The following XYLT1 variants were observed in gnomAD, a reference collection of about 807,000 sequenced individuals.
The protein encoded by XYLT1 is xylosyltransferase 1, also known as beta-D-xylosyltransferase 1.
A neutral mutation model predicts 91.3 loss-of-function variants in XYLT1; 36 were observed. The ratio of observed to expected loss-of-function variants is 0.39; its 90% CI spans 0.30 to 0.52. The LOEUF (loss-of-function observed/expected upper bound fraction) is 0.52, where lower values mean the gene tolerates loss of function less well. Among genes scored for constraint, XYLT1 ranks in the 20% least tolerant of loss-of-function variants. The probability of loss-of-function intolerance (pLI) is 0.68; values close to 1 mark genes in which losing one functional copy is unlikely to be tolerated. For synonymous variants in XYLT1, 588 were observed against 532.0 expected (o/e 1.11, Z -1.45); for missense variants, 1,242 against 1,284.5 (o/e 0.97, Z 0.51).
chr16:17,453,751 A>G (rs932168749), intron 1 of XYLT1, among the ~76,000 whole-genome samples: 2 of 152,354 alleles, frequency 1.3e-5, no homozygotes, highest in East Asian at 3.9e-4. Context: ...CCAGAAAGCC[A>G]GAGATAAACA....
In XYLT1 at chr16:17,232,016, T is replaced by C. The variant is rs144680726; in HGVS notation, c.913+26972A>G. 4.6e-3 allele frequency among the ~76,000 whole-genome samples: 691 copies of C among 150,244 alleles called. 7 individuals are homozygous for C. Among genetic ancestry groups the C allele is most frequent in the African/African-American group, 0.016 (654 of 41,052 alleles). ...CATAGGAATTTTTCAGCCCCTATAA[T>C]AGGGCTGAATAGTCAACGATGGACT... On this transcript the variant is annotated intron_variant, in intron 3 of 11. Coordinates refer to ENST00000261381, the MANE Select transcript of XYLT1 (RefSeq NM_022166.4).
chr16:17,326,681 C>T (rs1433855967), intron 2 of XYLT1, among the ~76,000 whole-genome samples: 1 of 151,930 alleles, frequency 6.6e-6, no homozygotes, highest in Non-Finnish European at 1.5e-5. Context: ...AAAAATTAGC[C>T]GGGCGTGGTG....
At chr16:17,246,161 T>C (rs1424576643) in intron 3 of XYLT1, among the ~76,000 whole-genome samples, 1 of 152,226 alleles carries the variant, frequency 6.6e-6, no homozygotes, top group Non-Finnish European at 1.5e-5. Context: ...AAATGTGTAA[T>C]TCTGGGTAAG....
intron 1 of XYLT1, among the ~76,000 whole-genome samples, chr16:17,434,655 G>A (rs543991175): frequency 2.5e-4 from 38 of 152,208 alleles, no homozygotes; most frequent in African/African-American, 8.7e-4. Flanking sequence ...CCAGGAGTTC[G>A]AGACCAGCCT....
intron 11 of XYLT1, among the ~76,000 whole-genome samples, chr16:17,110,222 T>C (rs1037119808): frequency 6.6e-6 from 1 of 152,200 alleles, no homozygotes; most frequent in African/African-American, 2.4e-5. Context: ...TCATATAAAG[T>C]ATTTACAAAT....
intron 1 of XYLT1, among the ~76,000 whole-genome samples, chr16:17,440,020 TTCTC>T (rs2036512565): frequency 6.6e-6 from 1 of 152,248 alleles, no homozygotes; most frequent in South Asian, 2.1e-4. Context: ...CTCTCCCATA[TTCTC>T]TCTTAGATCC....
chr16:17,250,873 C>A (rs984339504), intron 3 of XYLT1: 2 of 152,230 alleles, frequency 1.3e-5, no homozygotes, highest in South Asian at 2.1e-4. Flanking sequence ...TAGCGTGGTA[C>A]CTTTTAACTT....
At chr16:17,167,953 C>T (rs1165713084) in intron 5 of XYLT1, among the ~76,000 whole-genome samples, 1 of 152,218 alleles carries the variant, frequency 6.6e-6, no homozygotes, top group African/African-American at 2.4e-5. Context: ...CTCTCCTCCA[C>T]ACTCCAGACG....
chr16:17,281,133 C>A (rs2034051244), intron 2 of XYLT1, among the ~76,000 whole-genome samples: 1 of 152,194 alleles, frequency 6.6e-6, no homozygotes. Context: ...TGCTCAGAGG[C>A]CAGGTGAAGG....
chr16:17,409,545 A>C (rs886345094), intron 1 of XYLT1, among the ~76,000 whole-genome samples: 4 of 128,310 alleles, frequency 3.1e-5, no homozygotes, highest in Non-Finnish European at 5.0e-5. Context: ...GTATTGAGAC[A>C]CTTTTTTTTT....
At chr16:17,209,151 CAAT>C (rs983852917) in intron 3 of XYLT1, among the ~76,000 whole-genome samples, 3 of 152,192 alleles carry the variant, frequency 2.0e-5, no homozygotes, top group Non-Finnish European at 4.4e-5. Context: ...ATCCATTGAA[CAAT>C]AACTTCCCAC....
At position 17,312,270 on chromosome 16, in the gene XYLT1, G is replaced by A. The variant is rs1363975151; in HGVS notation, c.402+45742C>T. ...GGCCAGGTAGGAGGGAGATCCAGGG[G>A]AAGGGTAGGGCCTGGAGATCACAGA... is the stretch of plus-strand genomic sequence containing the variant. On this transcript the variant is annotated intron_variant, in intron 2 of 11. Coordinates refer to ENST00000261381, the MANE Select transcript of XYLT1 (RefSeq NM_022166.4). This position sits in a 1 kb window ranked among gnomAD's most constrained non-coding sequence, Gnocchi z 4.4. 6.6e-6 allele frequency among the ~76,000 whole-genome samples: 1 copy of A among 152,134 alleles called. No individual in the cohort carries two copies. Among genetic ancestry groups the A allele is most frequent in the East Asian group, 1.9e-4 (1 of 5,188 alleles).
chr16:17,333,833 C>T (rs2034939058), intron 2 of XYLT1, among the ~76,000 whole-genome samples: 2 of 152,070 alleles, frequency 1.3e-5, no homozygotes, highest in African/African-American at 4.8e-5. Flanking sequence ...AGTGATCTGC[C>T]CACCTCGGCC....
At chr16:17,213,636 T>G (rs1294390392) in intron 3 of XYLT1, among the ~76,000 whole-genome samples, 1 of 152,082 alleles carries the variant, frequency 6.6e-6, no homozygotes, top group Non-Finnish European at 1.5e-5. Context: ...CTTTTTTTTT[T>G]GAGACTGAGT....
intron 5 of XYLT1, among the ~76,000 whole-genome samples, chr16:17,197,814 T>C (rs1244491291): frequency 1.3e-5 from 2 of 152,164 alleles, no homozygotes; most frequent in African/African-American, 2.4e-5. Context: ...GCTTCCTTGC[T>C]CCTCAGCTTG....
chr16:17,265,048 C>A lies in XYLT1; in HGVS notation c.403-5550G>T, dbSNP rs577004648. On this transcript the variant is annotated intron_variant, in intron 2 of 11. Transcript: ENST00000261381. ...CTAAAAATACAAAAAATTAGCTGGG[C>A]GTGGTGGCACGCACCTGTAGTCCCA... is the stretch of plus-strand genomic sequence containing the variant. Among the ~76,000 whole-genome samples, 11 of 152,214 alleles carry A rather than the reference C, an allele frequency of 7.2e-5. No individual in the cohort carries two copies. The East Asian group carries it at 1.5e-3, about 21-fold the overall frequency.
At chr16:17,400,629 G>T (rs200585229) in intron 1 of XYLT1, among the ~76,000 whole-genome samples, 1 of 132,628 alleles carries the variant, frequency 7.5e-6, no homozygotes, top group African/African-American at 2.9e-5. Context: ...GGGAGGAAGG[G>T]AGGAAGGAAG....
intron 6 of XYLT1, among the ~76,000 whole-genome samples, chr16:17,141,967 G>A (rs1014983710): frequency 2.6e-5 from 4 of 152,146 alleles, no homozygotes; most frequent in African/African-American, 4.8e-5. Flanking sequence ...GCACTAGTGT[G>A]ATCCTAGCTC....
At position 17,107,155 on chromosome 16, in the gene XYLT1, G is replaced by C. The variant is rs1966788474; in HGVS notation, c.*1540C>G. 6.6e-6 allele frequency: 1 copy of C among 152,156 alleles called. No individual in the cohort carries two copies. Among genetic ancestry groups the C allele is most frequent in the Non-Finnish European group, 1.5e-5 (1 of 68,044 alleles). 9.4% of individuals were successfully genotyped at this position (152,156 alleles called of 1,614,324 possible). On this transcript the variant is annotated 3_prime_UTR_variant, in exon 12 of 12. Coordinates refer to ENST00000261381, the MANE Select transcript of XYLT1 (RefSeq NM_022166.4). ...TTCTCTACGTCCTCCATTGCCAACA[G>C]GACACCCTGCCTTGCGAGGCTTGGG...
Sources: gnomAD v4.1 joint callset for allele counts (sites outside exome capture counted in the v4.1 genomes callset) on GRCh38, gnomAD v4.1.1 for gene constraint, Gnocchi (gnomAD v3.1) non-coding constraint, MANE v1.5 for transcripts, NCBI Gene and HGNC (gene_info 2026-07-23, HGNC 2026-07-21) for gene names.